The following CCNB3 variants were observed in gnomAD, a reference collection of about 807,000 sequenced individuals.
CCNB3 encodes the protein G2/mitotic-specific cyclin-B3.
A neutral mutation model predicts 68.0 loss-of-function variants in CCNB3; 12 were observed. The ratio of observed to expected loss-of-function variants is 0.18; its 90% CI spans 0.11 to 0.29. CCNB3 has a LOEUF of 0.29. Among genes scored for constraint, CCNB3 ranks in the 10% least tolerant of loss-of-function variants. The pLI is 1.00. For missense variants in CCNB3, 904 were observed against 993.1 expected (o/e 0.91, Z 1.21); for synonymous variants, 354 against 388.9 (o/e 0.91, Z 1.06).
chrX:50,344,803 T>TCCATCTAACCA (rs1557220064), intron 9 of CCNB3, among the ~76,000 whole-genome samples: 1 of 111,661 alleles, frequency 9.0e-6, no homozygotes, highest in Non-Finnish European at 1.9e-5. Flanking sequence ...AGCTGACCTT[T>TCCATCTAACCA]TCTTCATGAC....
intron 1 of CCNB3, among the ~76,000 whole-genome samples, chrX:50,228,197 A>G (rs1935954913): frequency 1.1e-5 from 1 of 92,585 alleles, no homozygotes; most frequent in African/African-American, 3.9e-5. Flanking sequence ...TAGAATACAT[A>G]TATAAATACT....
At chrX:50,308,400 C>A in intron 5 of CCNB3, 105 bp from the exon 6 acceptor site, 1 of 535,552 alleles carries the variant, frequency 1.9e-6, no homozygotes, top group South Asian at 3.3e-5. Flanking sequence ...GGGGTTGAAG[C>A]CCCTTCCCCT....
intron 1 of CCNB3, among the ~76,000 whole-genome samples, chrX:50,218,794 C>A (rs1173490535): frequency 8.9e-6 from 1 of 111,857 alleles, no homozygotes; most frequent in Non-Finnish European, 1.9e-5. Context: ...TGGGCATATA[C>A]CCAGTGATGG....
chrX:50,226,520 GAT>G (rs1227151153), intron 1 of CCNB3, among the ~76,000 whole-genome samples: 126 of 4,272 alleles, frequency 0.029, 2 homozygotes, highest in African/African-American at 0.077. Context: ...AGAATATATA[GAT>G]ATATATATAG....
At chrX:50,306,132 C>CT (rs1328300404) in intron 5 of CCNB3, among the ~76,000 whole-genome samples, 1 of 109,858 alleles carries the variant, frequency 9.1e-6, no homozygotes, top group Non-Finnish European at 1.9e-5. Context: ...ATATGGATGT[C>CT]TATCTATTTA....
intron 8 of CCNB3, among the ~76,000 whole-genome samples, chrX:50,320,169 C>T (rs1294936639): frequency 5.4e-5 from 6 of 111,113 alleles, no homozygotes; most frequent in African/African-American, 2.0e-4. Context: ...CCCAACCCTT[C>T]TGTTTTCTGG....
chrX:50,227,072 T>A (rs1314167746), intron 1 of CCNB3, among the ~76,000 whole-genome samples: 1 of 79,075 alleles, frequency 1.3e-5, no homozygotes, highest in Non-Finnish European at 2.2e-5. Flanking sequence ...TATATACAAA[T>A]ATAAAGAATA....
intron 1 of CCNB3, among the ~76,000 whole-genome samples, chrX:50,227,798 G>A (rs1935925075): frequency 1.2e-5 from 1 of 81,549 alleles, no homozygotes; most frequent in African/African-American, 4.8e-5. Flanking sequence ...AATATATATA[G>A]AGAATAAATA....
At chrX:50,305,435 C>T (rs1376177208) in intron 5 of CCNB3, among the ~76,000 whole-genome samples, 2 of 110,912 alleles carry the variant, frequency 1.8e-5, no homozygotes, top group Non-Finnish European at 3.8e-5. Flanking sequence ...TGTTCTCACT[C>T]ATAGGTGGGA....
chrX:50,347,709 G>T lies in CCNB3; in HGVS notation c.3894G>T (p.Glu1298Asp), dbSNP rs1923475178. Residue 1298 changes from glutamate (E) to aspartate (D), a missense_variant, in exon 11 of 13, where the codon GAG (glutamate) becomes GAT (aspartate). By Grantham distance (45) the Glu-to-Asp change is conservative. This residue lies in a region of CCNB3 where 285 missense variants were observed against 383.4 expected (regional missense o/e 0.74). Coordinates refer to ENST00000376042, the MANE Select transcript of CCNB3 (RefSeq NM_033031.3). Reference sequence around the variant, plus strand: ...TGCAGGAATACCACTATGTCCAGGAGAAGGCTTCCAAGCTAGCTGCTGCCT... The same window carrying T: ...TGCAGGAATACCACTATGTCCAGGATAAGGCTTCCAAGCTAGCTGCTGCCT... ...MTLQEYHYVQ[E>D]KASKLAAASL... is the part of the protein sequence containing the mutation. 1.7e-6 allele frequency: 2 copies of T among 1,211,336 alleles called. No individual in the cohort carries two copies. Among genetic ancestry groups the T allele is most frequent in the East Asian group, 5.9e-5 (2 of 33,837 alleles).
intron 1 of CCNB3, among the ~76,000 whole-genome samples, chrX:50,219,417 G>C (rs1288249638): frequency 6.1e-4 from 68 of 111,309 alleles, no homozygotes; most frequent in Non-Finnish European, 1.0e-3. Flanking sequence ...TTACGTTTAA[G>C]TCTTTAATCC....
intron 8 of CCNB3, among the ~76,000 whole-genome samples, chrX:50,315,495 A>G (rs1053108036): frequency 3.6e-5 from 4 of 111,423 alleles, no homozygotes; most frequent in Admixed American, 1.9e-4. Flanking sequence ...CCTTCACCCT[A>G]GTTTATCCCG....
intron 1 of CCNB3, among the ~76,000 whole-genome samples, chrX:50,279,619 TTCATCTATGTAAATATATGAATATGTAC>T (rs1936058792): frequency 1.3e-5 from 1 of 75,335 alleles, no homozygotes; most frequent in Non-Finnish European, 2.7e-5. Context: ...CATATGTACA[TTCATCTATGTAAATATATGAATATGTAC>T]ATTCATCTAT....
intron 5 of CCNB3, among the ~76,000 whole-genome samples, chrX:50,305,160 T>C (rs1284846239): frequency 2.7e-5 from 3 of 112,053 alleles, no homozygotes; most frequent in African/African-American, 9.7e-5. Flanking sequence ...ACTGGGTATA[T>C]ACCCAAAGGA....
chrX:50,290,617 A>C (rs1407161490), intron 4 of CCNB3, among the ~76,000 whole-genome samples: 3 of 112,063 alleles, frequency 2.7e-5, no homozygotes, highest in African/African-American at 9.7e-5. Flanking sequence ...TCATGAGTTT[A>C]TCTTACCATT....
chrX:50,299,508 T>C (rs1427818698), intron 5 of CCNB3, among the ~76,000 whole-genome samples: 1 of 111,930 alleles, frequency 8.9e-6, no homozygotes, highest in African/African-American at 3.2e-5. Context: ...CAGTTTGTTA[T>C]AGTTTCTGTT....
chrX:50,322,634 A>C (rs1228276924), intron 8 of CCNB3, among the ~76,000 whole-genome samples: 2 of 111,925 alleles, frequency 1.8e-5, no homozygotes, highest in South Asian at 3.8e-4. Flanking sequence ...AGTGAACAGG[A>C]AACCTATAGA....
Position 50,309,415 on chromosome X carries a change from A to G in CCNB3, c.1246A>G (p.Lys416Glu). Reference sequence around the variant, plus strand: ...CTCTGGAGAGAAGTCGCTCATTATGAAGCCATTGTCCATTAAAGAAAAGCC... The same window carrying G: ...CTCTGGAGAGAAGTCGCTCATTATGGAGCCATTGTCCATTAAAGAAAAGCC... ...ITSGEKSLIM[K>E]PLSIKEKPST... Residue 416 changes from lysine (K) to glutamate (E), a missense_variant, in exon 6 of 13, where the codon AAG becomes GAG. Coordinates refer to ENST00000376042, the MANE Select transcript of CCNB3 (RefSeq NM_033031.3). 1 of 1,211,486 alleles carries G rather than the reference A, an allele frequency of 8.3e-7. No individual in the cohort carries two copies. The highest frequency in any genetic ancestry group is 3.0e-5 in the East Asian group (1 of 33,816).
At chrX:50,305,913 G>A (rs782460549) in intron 5 of CCNB3, among the ~76,000 whole-genome samples, 86 of 102,318 alleles carry the variant, frequency 8.4e-4, no homozygotes, top group African/African-American at 3.0e-3. Flanking sequence ...GAGTAGCTGG[G>A]ATTACAGGTG....
Sources: gnomAD v4.1 joint callset for allele counts (sites outside exome capture counted in the v4.1 genomes callset) on GRCh38, gnomAD v4.1.1 for gene constraint, gnomAD v4.1.1 regional missense constraint, MANE v1.5 for transcripts, NCBI Gene and HGNC (gene_info 2026-07-23, HGNC 2026-07-21) for gene names.